Variants in AS3MT observed in about 807,000 individuals in gnomAD.
The protein encoded by AS3MT is arsenite methyltransferase.
Under a neutral mutation model 45.3 loss-of-function variants are expected in AS3MT, and 47 were observed. The observed-to-expected ratio is 1.04, with a 90% confidence interval of 0.82 to 1.32. The LOEUF is 1.32. Among genes scored for constraint, AS3MT ranks in the 40% most tolerant of loss-of-function variants. The pLI is 0.00. For synonymous variants in AS3MT, 141 were observed against 152.8 expected (o/e 0.92, Z 0.57); for missense variants, 396 against 451.1 (o/e 0.88, Z 1.11).
intron 10 of AS3MT, 65 bp from the exon 11 acceptor site, chr10:102,900,528 A>G (rs1590234260): frequency 8.8e-7 from 1 of 1,137,550 alleles, no homozygotes; most frequent in African/African-American, 1.5e-5. Context: ...AAACAGAAAT[A>G]TTAGTGTTTG....
At chr10:102,894,278 C>A (rs1845125571) in intron 10 of AS3MT, among the ~76,000 whole-genome samples, 1 of 151,808 alleles carries the variant, frequency 6.6e-6, no homozygotes, top group South Asian at 2.1e-4. Context: ...AAAAAATCAG[C>A]CAGGCGTGGG....
Position 102,881,438 on chromosome 10 carries a change from C to T in AS3MT, c.885+2447C>T, listed in dbSNP as rs1223515615. On this transcript the variant is annotated intron_variant, in intron 9 of 10. Coordinates refer to ENST00000369880, the MANE Select transcript of AS3MT (RefSeq NM_020682.4). The surrounding 1 kb of genome is among the most constrained non-coding windows in gnomAD (Gnocchi z 4.2). ...CTATTATTTAGTAAGTTAGTAAAGG[C>T]GTGCTACTCATTAGATGCTAATCTC... Among the ~76,000 whole-genome samples the T allele has an allele frequency of 1.3e-5, 2 of 152,142 alleles. No homozygotes were observed. The highest frequency in any genetic ancestry group is 2.1e-4 in the South Asian group (1 of 4,836).
chr10:102,897,241 G>A (rs1181387973), intron 10 of AS3MT, among the ~76,000 whole-genome samples: 2 of 151,448 alleles, frequency 1.3e-5, no homozygotes, highest in Non-Finnish European at 2.9e-5. Context: ...AAAATTAGCC[G>A]GGCGTGGTGG....
chr10:102,884,736 G>A (rs902286869), intron 9 of AS3MT, among the ~76,000 whole-genome samples: 2 of 151,872 alleles, frequency 1.3e-5, no homozygotes, highest in South Asian at 2.1e-4. Flanking sequence ...TAGTAGAGAC[G>A]GGGTTTCACT....
chr10:102,873,992 C>T (rs933423713), intron 5 of AS3MT, among the ~76,000 whole-genome samples: 4 of 152,054 alleles, frequency 2.6e-5, no homozygotes, highest in African/African-American at 7.2e-5. Flanking sequence ...CGGTGGCTCA[C>T]GCCTATAATC....
chr10:102,883,628 G>A (rs1388765068), intron 9 of AS3MT, among the ~76,000 whole-genome samples: 2 of 151,674 alleles, frequency 1.3e-5, no homozygotes, highest in Non-Finnish European at 1.5e-5. Flanking sequence ...CAGGAGAATC[G>A]GCTTGAACCC....
At chr10:102,873,668 A>T (rs557304372) in intron 5 of AS3MT, among the ~76,000 whole-genome samples, 1 of 152,240 alleles carries the variant, frequency 6.6e-6, no homozygotes, top group East Asian at 1.9e-4. Flanking sequence ...TAAACTTAGC[A>T]TGGCTTACTA....
In AS3MT at chr10:102,890,628, AT is replaced by A. The variant is rs1845054123; in HGVS notation, c.972del (p.Ile324MetfsTer16). On this transcript the variant is annotated frameshift_variant, in exon 10 of 11. Transcript: ENST00000369880. LOFTEE classifies it low-confidence loss of function (END_TRUNC). ...RFAQDFLIRPIGEKLPTSGGC... is the reference protein window; with the variant it reads ...RFAQDFLIRPXGEKLPTSGGC... ...TGCTCAAGATTTTCTGATCAGACCA[AT>A]TGGAGAGAAGTTGCCAACATCTGGA... 6.2e-7 allele frequency: 1 copy of A among 1,613,558 alleles called. No individual in the cohort carries two copies. Among genetic ancestry groups the A allele is most frequent in the African/African-American group, 1.3e-5 (1 of 74,886 alleles).
chr10:102,896,895 A>T (rs1026958626), intron 10 of AS3MT, among the ~76,000 whole-genome samples: 2 of 152,144 alleles, frequency 1.3e-5, no homozygotes, highest in African/African-American at 4.8e-5. Context: ...TTGTTCGAAG[A>T]AGGTGATACT....
chr10:102,879,804 G>A (rs1310663106), intron 9 of AS3MT, among the ~76,000 whole-genome samples: 1 of 146,754 alleles, frequency 6.8e-6, no homozygotes, highest in Non-Finnish European at 1.5e-5. Context: ...TTTGAATACA[G>A]AAAAGTTAAT....
chr10:102,900,977 C>G lies in AS3MT; in HGVS notation c.*277C>G. On this transcript the variant is annotated 3_prime_UTR_variant, in exon 11 of 11. Coordinates refer to ENST00000369880, the MANE Select transcript of AS3MT (RefSeq NM_020682.4). ...TGGTGCACACCTATAGTCTCAGCTA[C>G]TCGGGAGGCTGAGGCAGGAGAATTG... The G allele has an allele frequency of 4.0e-6, 1 of 248,238 alleles. No homozygotes were observed. The highest frequency in any genetic ancestry group is 6.4e-5 in the South Asian group (1 of 15,668). The allele number at this position is 248,238 out of a possible 1,614,324, so 15.4% of individuals were successfully genotyped here. A position where few individuals can be genotyped will look rare whatever the true frequency, so the allele number is the denominator to read the frequency against.
At chr10:102,878,786 T>C in intron 8 of AS3MT, 63 bp from the exon 9 acceptor site, 1 of 1,569,884 alleles carries the variant, frequency 6.4e-7, no homozygotes, top group Non-Finnish European at 8.6e-7. Context: ...GCTCCTTGTC[T>C]GCTGAGCAAG....
chr10:102,888,966 C>T (rs1475567477), intron 9 of AS3MT, among the ~76,000 whole-genome samples: 2 of 149,172 alleles, frequency 1.3e-5, no homozygotes, highest in Non-Finnish European at 3.0e-5. Context: ...TCTCGGCCCA[C>T]TGCAAGCTCC....
intron 6 of AS3MT, 124 bp downstream of exon 6, chr10:102,874,785 G>T: frequency 1.3e-6 from 1 of 741,372 alleles, no homozygotes; most frequent in Non-Finnish European, 2.3e-6. Context: ...ATGAATAAGG[G>T]GTGGCAAAAG....
intron 10 of AS3MT, among the ~76,000 whole-genome samples, chr10:102,896,773 C>A (rs1845180364): frequency 1.3e-5 from 2 of 150,436 alleles, no homozygotes. Context: ...CGCGCCACTG[C>A]ACTCCAGCTG....
At chr10:102,896,425 A>G (rs905449249) in intron 10 of AS3MT, among the ~76,000 whole-genome samples, 2 of 151,992 alleles carry the variant, frequency 1.3e-5, no homozygotes, top group African/African-American at 4.8e-5. Context: ...AACCTAAAAT[A>G]TAAGAATCCT....
rs1845029670 is a variant in AS3MT, at chr10:102,889,638, TC to T, written c.886-904del. ...TGCCTTCCTTCCTTCCTTCCTTCCT[TC>T]CTTCCTTTCTTCCTTCCTTCCTTCC... On this transcript the variant is annotated intron_variant, in intron 9 of 10. Coordinates refer to ENST00000369880, the MANE Select transcript of AS3MT (RefSeq NM_020682.4). 6.1e-5 allele frequency among the ~76,000 whole-genome samples: 8 copies of T among 131,888 alleles called. 1 individual carries two copies. The South Asian group carries it at 2.0e-3, about 32-fold the overall frequency. 86.5% of individuals were successfully genotyped at this position (131,888 alleles called of 152,430 possible).
intron 3 of AS3MT, among the ~76,000 whole-genome samples, chr10:102,870,835 C>G (rs185875022): frequency 2.0e-5 from 3 of 152,350 alleles, no homozygotes; most frequent in Admixed American, 6.5e-5. Flanking sequence ...CTGCATGGAG[C>G]CTTCTCTAAT....
intron 10 of AS3MT, among the ~76,000 whole-genome samples, chr10:102,897,145 G>A (rs1398689396): frequency 1.3e-5 from 2 of 151,966 alleles, no homozygotes; most frequent in African/African-American, 4.8e-5. Flanking sequence ...GCACTTTGGG[G>A]AGGCCGAGGC....
Sources: allele counts gnomAD v4.1 joint callset (sites outside exome capture counted in the v4.1 genomes callset), GRCh38; gene constraint gnomAD v4.1.1; non-coding constraint Gnocchi (gnomAD v3.1); transcripts MANE v1.5; gene names NCBI Gene and HGNC (gene_info 2026-07-23, HGNC 2026-07-21).